The following ANKRD11 variants were observed in gnomAD, a reference collection of about 807,000 sequenced individuals.
ANKRD11 encodes the protein ankyrin repeat domain-containing protein 11.
ANKRD11 carries 17 observed loss-of-function variants against 195.7 expected under a neutral mutation model. The ratio of observed to expected loss-of-function variants is 0.09; its 90% CI spans 0.06 to 0.13. ANKRD11 has a LOEUF of 0.13. Ranked by LOEUF, ANKRD11 falls within the 10% of genes least tolerant of loss-of-function variation. The pLI is 1.00. For missense variants in ANKRD11, 3,735 were observed against 3,566.1 expected (o/e 1.05, Z -1.21); for synonymous variants, 1,953 against 1,528.1 (o/e 1.28, Z -6.49).
chr16:89,377,708 A>G (rs72803351), intron 2 of ANKRD11, among the ~76,000 whole-genome samples: 34 of 152,242 alleles, frequency 2.2e-4, no homozygotes, highest in Non-Finnish European at 4.6e-4. Context: ...CTTCTTGTAC[A>G]ACACACACCT....
At position 89,313,224 on chromosome 16, in the gene ANKRD11, G is replaced by C. The variant is rs1396107016; in HGVS notation, c.87+3709C>G. ...GCCTGTGCTCTGAGTGGCGTGCATG[G>C]AGCACAATGAGACAGGGTGACTGTG... is the stretch of plus-strand genomic sequence containing the variant. On this transcript the variant is annotated intron_variant, in intron 3 of 12. Transcript: ENST00000301030. 3.3e-6 allele frequency: 4 copies of C among 1,201,528 alleles called. No individual in the cohort carries two copies. The African/African-American group carries it at 6.2e-5, about 19-fold the overall frequency. The allele number at this position is 1,201,528 out of a possible 1,614,324, so 74.4% of individuals were successfully genotyped here.
intron 3 of ANKRD11, among the ~76,000 whole-genome samples, chr16:89,308,349 T>C (rs544127279): frequency 6.6e-6 from 1 of 152,356 alleles, no homozygotes; most frequent in East Asian, 1.9e-4. Flanking sequence ...CCACACTGTT[T>C]GTGATGTGGG....
chr16:89,351,866 G>A (rs547539705), intron 2 of ANKRD11, among the ~76,000 whole-genome samples: 4 of 152,330 alleles, frequency 2.6e-5, no homozygotes, highest in East Asian at 1.9e-4. Flanking sequence ...TGAACTGTGC[G>A]CTTTATCTGG....
chr16:89,479,331 C>A (rs1192972013), intron 1 of ANKRD11, among the ~76,000 whole-genome samples: 1 of 152,028 alleles, frequency 6.6e-6, no homozygotes, highest in African/African-American at 2.4e-5. Flanking sequence ...ACACATGTGA[C>A]CTGATATAAA....
chr16:89,463,786 C>A (rs1026496103), intron 1 of ANKRD11, among the ~76,000 whole-genome samples: 1 of 143,980 alleles, frequency 6.9e-6, no homozygotes. Context: ...AATTAATTCC[C>A]TACGTTACCA....
chr16:89,460,064 C>A lies in ANKRD11; in HGVS notation c.-145+30181G>T, dbSNP rs912671065. ...CAGCCTACCCAACATGGTGAAACTC[C>A]GTCTCTACTAAAAATACAAAAGAAT... is the stretch of plus-strand genomic sequence containing the variant. On this transcript the variant is annotated intron_variant, in intron 1 of 12. Transcript: ENST00000301030. 2.6e-5 allele frequency among the ~76,000 whole-genome samples: 4 copies of A among 151,880 alleles called. No homozygotes were observed. The South Asian group carries it at 8.3e-4, about 32-fold the overall frequency.
At chr16:89,448,744 C>T (rs55985068) in intron 1 of ANKRD11, among the ~76,000 whole-genome samples, 1 of 152,254 alleles carries the variant, frequency 6.6e-6, no homozygotes, top group African/African-American at 2.4e-5. Flanking sequence ...TTTTCAAAGT[C>T]CAAGACGAGA....
At chr16:89,409,117 G>A (rs1449316028) in intron 2 of ANKRD11, among the ~76,000 whole-genome samples, 2 of 152,200 alleles carry the variant, frequency 1.3e-5, no homozygotes, top group Non-Finnish European at 2.9e-5. Flanking sequence ...GAGCCCTGGG[G>A]CCAGGTATCA....
chr16:89,487,243 A>G (rs1238244657), intron 1 of ANKRD11, among the ~76,000 whole-genome samples: 2 of 152,220 alleles, frequency 1.3e-5, no homozygotes, highest in Admixed American at 1.3e-4. Flanking sequence ...ATACCTTGCT[A>G]TTAAGAGACA....
In ANKRD11 at chr16:89,279,719, C is replaced by T. The variant is rs750990942; in HGVS notation, c.6823G>A (p.Ala2275Thr). Residue 2275 changes from alanine (A) to threonine (T), a missense_variant, in exon 9 of 13, where the codon GCC (alanine) becomes ACC (threonine). Ala to Thr is a moderately conservative substitution (Grantham distance 58). Transcript: ENST00000301030. This position sits in a 1 kb window ranked among gnomAD's most constrained non-coding sequence, Gnocchi z 5.6. ...AASLCAPDGP[A>T]PNTVAQAQAA... ...TGAGCTTGTGCCACAGTGTTCGGGGCGGGGCCGTCAGGGGCACAGAGGGAC... is the reference window on the plus strand; with the variant it reads ...TGAGCTTGTGCCACAGTGTTCGGGGTGGGGCCGTCAGGGGCACAGAGGGAC... The T allele has an allele frequency of 3.4e-5, 52 of 1,532,890 alleles. No individual in the cohort carries two copies. The South Asian group carries it at 4.5e-4, about 13-fold the overall frequency. The allele number at this position is 1,532,890 out of a possible 1,614,324, so 95.0% of individuals were successfully genotyped here.
chr16:89,374,429 A>G (rs1289409693), intron 2 of ANKRD11, among the ~76,000 whole-genome samples: 2 of 152,184 alleles, frequency 1.3e-5, no homozygotes, highest in Admixed American at 1.3e-4. Flanking sequence ...GAACGATACA[A>G]CAGGAACTGT....
rs369759142 is a variant in ANKRD11, at chr16:89,284,283, C to A, written c.2259G>T (p.Pro753=). ...EKERSLKEKS[P]KEEKLRLYKE... is the part of the protein sequence containing the mutation. ...TGTACAGTCTCAGTTTTTCTTCTTT[C>A]GGAGACTTTTCCTTCAGCGATCTCT... The change falls in exon 9 of 13, where the codon CCG becomes CCT. Residue 753 remains proline (P), a synonymous_variant. Transcript: ENST00000301030. The A allele has an allele frequency of 6.2e-7, 1 of 1,613,584 alleles. No individual in the cohort carries two copies. The highest frequency in any genetic ancestry group is 8.5e-7 in the Non-Finnish European group (1 of 1,179,992).
intron 2 of ANKRD11, among the ~76,000 whole-genome samples, chr16:89,359,975 G>C (rs1007676345): frequency 6.6e-6 from 1 of 151,962 alleles, no homozygotes; most frequent in African/African-American, 2.4e-5. Flanking sequence ...TGGGCGGGGG[G>C]GGAGGTTGTA....
chr16:89,462,867 G>A (rs534897500), intron 1 of ANKRD11, among the ~76,000 whole-genome samples: 238 of 150,656 alleles, frequency 1.6e-3, no homozygotes, highest in African/African-American at 5.6e-3. Context: ...GAGCGTCTCC[G>A]CCCAGCAGCC....
In ANKRD11 at chr16:89,316,519, T is replaced by C. The variant is rs568140111; in HGVS notation, c.87+414A>G. On this transcript the variant is annotated intron_variant, in intron 3 of 12. Coordinates refer to ENST00000301030, the MANE Select transcript of ANKRD11 (RefSeq NM_013275.6). ...CATTAATAAAATGCAGTGGTTTTGA[T>C]TGGCATCCCATTTTCCTATTCACAT... Among the ~76,000 whole-genome samples the C allele has an allele frequency of 7.9e-5, 12 of 152,358 alleles. No homozygotes were observed. In the East Asian group the frequency reaches 9.6e-4, roughly 12 times the overall value.
At chr16:89,350,742 C>T (rs2039175380) in intron 2 of ANKRD11, among the ~76,000 whole-genome samples, 1 of 152,174 alleles carries the variant, frequency 6.6e-6, no homozygotes. Context: ...ACAGTTCCAA[C>T]TGATTCCTTA....
intron 2 of ANKRD11, among the ~76,000 whole-genome samples, chr16:89,388,926 T>A (rs927951580): frequency 2.0e-5 from 3 of 152,140 alleles, no homozygotes; most frequent in Non-Finnish European, 4.4e-5. Flanking sequence ...ACTATGTGGA[T>A]CCCAGAACAA....
intron 1 of ANKRD11, among the ~76,000 whole-genome samples, chr16:89,467,720 T>A (rs1035353324): frequency 6.6e-6 from 1 of 152,156 alleles, no homozygotes; most frequent in Admixed American, 6.5e-5. Flanking sequence ...GTTGTGAATC[T>A]AATCAAGATA....
At chr16:89,305,140 G>T in intron 4 of ANKRD11, 66 bp downstream of exon 4, 1 of 1,585,772 alleles carries the variant, frequency 6.3e-7, no homozygotes, top group African/African-American at 1.3e-5. Flanking sequence ...GGCCAGGGAC[G>T]CCCTGCCTGG....
Sources: gnomAD v4.1 joint callset for allele counts (sites outside exome capture counted in the v4.1 genomes callset) on GRCh38, gnomAD v4.1.1 for gene constraint, Gnocchi (gnomAD v3.1) non-coding constraint, MANE v1.5 for transcripts, NCBI Gene and HGNC (gene_info 2026-07-23, HGNC 2026-07-21) for gene names.